Variants in ANO3 observed in about 807,000 individuals in gnomAD.
ANO3 encodes the protein anoctamin 3.
Under a neutral mutation model 144.8 loss-of-function variants are expected in ANO3, and 99 were observed. The observed-to-expected ratio is 0.68, with a 90% CI of 0.58 to 0.81. The LOEUF is 0.81. Ranked by LOEUF, ANO3 falls within the 30% of genes least tolerant of loss-of-function variation. The probability of loss-of-function intolerance (pLI) is 0.00; values close to 1 mark genes in which losing one functional copy is unlikely to be tolerated. For missense variants in ANO3, 905 were observed against 1,202.2 expected (o/e 0.75, Z 3.66); for synonymous variants, 414 against 392.6 (o/e 1.05, Z -0.64).
intron 1 of ANO3, among the ~76,000 whole-genome samples, chr11:26,280,470 G>T (rs534125010): frequency 6.6e-6 from 1 of 152,154 alleles, no homozygotes; most frequent in Non-Finnish European, 1.5e-5. Flanking sequence ...CTTGGAGTCC[G>T]ATATTCAAGG....
intron 4 of ANO3, among the ~76,000 whole-genome samples, chr11:26,496,883 T>A (rs1208438112): frequency 6.6e-6 from 1 of 151,536 alleles, no homozygotes; most frequent in Non-Finnish European, 1.5e-5. Context: ...CTGAGTAGCA[T>A]TCCATGGTGT....
At chr11:26,196,936 C>A (rs779207346) in intron 1 of ANO3, among the ~76,000 whole-genome samples, 1 of 152,126 alleles carries the variant, frequency 6.6e-6, no homozygotes, top group Non-Finnish European at 1.5e-5. Flanking sequence ...GAGAATAAAA[C>A]ATAGCCCCTG....
intron 18 of ANO3, among the ~76,000 whole-genome samples, chr11:26,630,986 T>TA (rs1208941881): frequency 6.6e-6 from 1 of 151,878 alleles, no homozygotes; most frequent in Non-Finnish European, 1.5e-5. Context: ...CTTTTTTTTT[T>TA]TAGTTAATGC....
chr11:26,612,631 C>A (rs916012892), intron 17 of ANO3, among the ~76,000 whole-genome samples: 1 of 151,538 alleles, frequency 6.6e-6, no homozygotes, highest in African/African-American at 2.4e-5. Flanking sequence ...TAATTATATT[C>A]TTTTTGTTTC....
intron 1 of ANO3, among the ~76,000 whole-genome samples, chr11:26,413,717 A>T (rs1054106659): frequency 6.6e-6 from 1 of 152,034 alleles, no homozygotes; most frequent in African/African-American, 2.4e-5. Context: ...ATTAATAAGG[A>T]TTTCTTATTA....
intron 1 of ANO3, among the ~76,000 whole-genome samples, chr11:26,388,304 A>G (rs906456728): frequency 9.2e-5 from 14 of 152,040 alleles, no homozygotes; most frequent in South Asian, 4.1e-4. Context: ...CAAAAAAGAA[A>G]TATTTTATAT....
chr11:26,458,054 A>C lies in ANO3; in HGVS notation c.314-4976A>C, dbSNP rs368963157. On this transcript the variant is annotated intron_variant, in intron 3 of 26. Coordinates refer to ENST00000256737, the MANE Select transcript of ANO3 (RefSeq NM_031418.4). ...CAATATGGGAGAAAGTCATCTTAAA[A>C]ATAGGAAATATAATATTTGGTATTG... Among the ~76,000 whole-genome samples, 18 of 152,280 alleles carry C rather than the reference A, an allele frequency of 1.2e-4. No individual in the cohort carries two copies. In the East Asian group the frequency reaches 1.7e-3, roughly 15 times the overall value.
chr11:26,235,133 A>G (rs1342916920), intron 1 of ANO3, among the ~76,000 whole-genome samples: 1 of 152,080 alleles, frequency 6.6e-6, no homozygotes, highest in Non-Finnish European at 1.5e-5. Flanking sequence ...CATATACTTT[A>G]CTCAGTCCAC....
intron 1 of ANO3, among the ~76,000 whole-genome samples, chr11:26,266,731 C>A (rs904631296): frequency 6.6e-6 from 1 of 151,322 alleles, no homozygotes; most frequent in African/African-American, 2.4e-5. Context: ...CCGTGCCCGG[C>A]CACCAAATGT....
chr11:26,289,736 G>A (rs1853908701), intron 1 of ANO3, among the ~76,000 whole-genome samples: 1 of 143,728 alleles, frequency 7.0e-6, no homozygotes, highest in African/African-American at 2.5e-5. Context: ...TATTCTATAT[G>A]TGTATATATA....
chr11:26,581,797 T>C (rs1235702305), intron 14 of ANO3, among the ~76,000 whole-genome samples: 1 of 151,910 alleles, frequency 6.6e-6, no homozygotes, highest in Non-Finnish European at 1.5e-5. Context: ...TGGTTGTGAC[T>C]GAATTTTTAT....
chr11:26,449,451 CCTCT>C (rs368127935), intron 3 of ANO3, among the ~76,000 whole-genome samples: 3 of 142,624 alleles, frequency 2.1e-5, no homozygotes, highest in African/African-American at 7.9e-5. Flanking sequence ...AAGAGCATTC[CCTCT>C]CTCTCTCTGT....
At chr11:26,370,132 T>G (rs562808996) in intron 1 of ANO3, among the ~76,000 whole-genome samples, 1 of 152,330 alleles carries the variant, frequency 6.6e-6, no homozygotes, top group East Asian at 1.9e-4. Flanking sequence ...GAATTGTAGT[T>G]CCCATAATCT....
At chr11:26,275,103 C>G (rs1380342252) in intron 1 of ANO3, among the ~76,000 whole-genome samples, 1 of 151,994 alleles carries the variant, frequency 6.6e-6, no homozygotes, top group Non-Finnish European at 1.5e-5. Flanking sequence ...TTTTAAGGGT[C>G]ATGCTGCTAT....
At chr11:26,536,318 C>CAA (rs776107828) in intron 9 of ANO3, among the ~76,000 whole-genome samples, 12 of 92,884 alleles carry the variant, frequency 1.3e-4, no homozygotes, top group Non-Finnish European at 1.8e-4. Context: ...GACTCTGTCT[C>CAA]AAAAAAAAAA....
At chr11:26,506,894 C>T (rs1261407706) in intron 4 of ANO3, among the ~76,000 whole-genome samples, 2 of 152,270 alleles carry the variant, frequency 1.3e-5, no homozygotes, top group South Asian at 2.1e-4. Context: ...CTATCTGCCC[C>T]AGTCAGAGTC....
chr11:26,347,253 G>A (rs574284222), intron 1 of ANO3, among the ~76,000 whole-genome samples: 8 of 152,240 alleles, frequency 5.3e-5, no homozygotes, highest in Admixed American at 1.3e-4. Flanking sequence ...TGAATCAATC[G>A]GCACAATTCC....
chr11:26,528,806 T>C (rs1052019985), intron 7 of ANO3, among the ~76,000 whole-genome samples: 1 of 151,880 alleles, frequency 6.6e-6, no homozygotes, highest in Non-Finnish European at 1.5e-5. Flanking sequence ...TTCTGTGCAG[T>C]CTATTCAATG....
chr11:26,422,004 C>CT (rs1377679508), intron 1 of ANO3, among the ~76,000 whole-genome samples: 1 of 151,964 alleles, frequency 6.6e-6, no homozygotes, highest in Non-Finnish European at 1.5e-5. Flanking sequence ...GGGTACTAGG[C>CT]TTAATAGCTG....
Sources: gnomAD v4.1 joint callset for allele counts (sites outside exome capture counted in the v4.1 genomes callset) on GRCh38, gnomAD v4.1.1 for gene constraint, MANE v1.5 for transcripts, NCBI Gene and HGNC (gene_info 2026-07-23, HGNC 2026-07-21) for gene names.